SYT17: variants seen among roughly 807,000 people sequenced by gnomAD.
The protein encoded by SYT17 is synaptotagmin-17.
In SYT17, 22 loss-of-function variants were observed where a neutral mutation model predicts 46.7. The observed-to-expected ratio is 0.47, with a 90% CI of 0.34 to 0.67. The LOEUF (loss-of-function observed/expected upper bound fraction) is 0.67. Among genes scored for constraint, SYT17 ranks in the 30% least tolerant of loss-of-function variants. SYT17 has a pLI of 0.01. For synonymous variants in SYT17, 251 were observed against 248.4 expected (o/e 1.01, Z -0.10); for missense variants, 519 against 612.8 (o/e 0.85, Z 1.62).
At chr16:19,172,088 C>T (rs1326171693) in intron 1 of SYT17, 1 of 159,924 alleles carries the variant, frequency 6.3e-6, no homozygotes, top group Non-Finnish European at 1.4e-5. Context: ...GCCTACTTGG[C>T]CCATTTGGAA....
In SYT17 at chr16:19,183,333, C is replaced by T. The variant is rs980548938; in HGVS notation, c.332-195C>T. Among the ~76,000 whole-genome samples the T allele has an allele frequency of 6.6e-6, 1 of 152,210 alleles. No individual in the cohort carries two copies. Among genetic ancestry groups the T allele is most frequent in the African/African-American group, 2.4e-5 (1 of 41,460 alleles). On this transcript the variant is annotated intron_variant, in intron 4 of 7. Transcript: ENST00000355377. The surrounding 1 kb of genome is among the most constrained non-coding windows in gnomAD (Gnocchi z 5.6). ...TAGAGCAGTGCCTGGCACTTAGCTG[C>T]TGTGATGATGGCAAGGTGTCAATAG...
At chr16:19,174,215 A>C (rs1299723443) in intron 3 of SYT17, among the ~76,000 whole-genome samples, 3 of 152,160 alleles carry the variant, frequency 2.0e-5, no homozygotes. Flanking sequence ...GCCTGCATAC[A>C]ACATCTCCAT....
At chr16:19,187,214 T>TA (rs1964823699) in intron 5 of SYT17, among the ~76,000 whole-genome samples, 1 of 152,080 alleles carries the variant, frequency 6.6e-6, no homozygotes, top group South Asian at 2.1e-4. Context: ...TTTAAAAAAA[T>TA]ACATTTTGCA....
intron 4 of SYT17, among the ~76,000 whole-genome samples, chr16:19,181,954 G>A (rs577609977): frequency 7.0e-6 from 1 of 142,208 alleles, no homozygotes; most frequent in East Asian, 2.1e-4. Context: ...AGCCGAGATT[G>A]CACCACTACA....
chr16:19,198,417 C>T (rs1466035825), intron 5 of SYT17, among the ~76,000 whole-genome samples: 3 of 152,288 alleles, frequency 2.0e-5, no homozygotes, highest in Admixed American at 2.0e-4. Context: ...CCAGCCCAAC[C>T]ACTTCCAGCA....
intron 7 of SYT17, among the ~76,000 whole-genome samples, chr16:19,230,330 C>G (rs981727885): frequency 3.3e-5 from 5 of 151,618 alleles, no homozygotes; most frequent in African/African-American, 1.2e-4. Context: ...TCACTTGAAC[C>G]TGGGAGGCAG....
At chr16:19,172,278 T>G in intron 1 of SYT17, 1 of 1,200,632 alleles carries the variant, frequency 8.3e-7, no homozygotes. Flanking sequence ...ACCATCACCA[T>G]TGGAGCAGAA....
intron 2 of SYT17, chr16:19,173,210 C>T (rs772381149): frequency 3.0e-5 from 17 of 561,300 alleles, no homozygotes; most frequent in Admixed American, 1.7e-4. Context: ...ACGGCTCCAG[C>T]GAGTTGATGT....
chr16:19,211,145 C>T (rs1965884062), intron 5 of SYT17: 2 of 374,188 alleles, frequency 5.3e-6, no homozygotes, highest in Non-Finnish European at 9.6e-6. Flanking sequence ...GTGGTTCGAC[C>T]AAATTAAGCG....
intron 5 of SYT17, among the ~76,000 whole-genome samples, chr16:19,190,757 G>T (rs1964980045): frequency 6.8e-6 from 1 of 146,762 alleles, no homozygotes; most frequent in Non-Finnish European, 1.5e-5. Flanking sequence ...AGGCTGAACT[G>T]AATAATATTC....
intron 5 of SYT17, among the ~76,000 whole-genome samples, chr16:19,205,479 A>C (rs1965633701): frequency 1.3e-5 from 2 of 148,694 alleles, no homozygotes; most frequent in African/African-American, 2.5e-5. Flanking sequence ...TCACTCTGTC[A>C]CCCAGGCTGG....
chr16:19,254,550 A>G (rs770500299), intron 7 of SYT17, among the ~76,000 whole-genome samples: 1 of 152,216 alleles, frequency 6.6e-6, no homozygotes, highest in Admixed American at 6.5e-5. Flanking sequence ...CATTCTAATG[A>G]TATCACCACA....
At chr16:19,212,146 A>G (rs952038308) in intron 5 of SYT17, among the ~76,000 whole-genome samples, 1 of 152,152 alleles carries the variant, frequency 6.6e-6, no homozygotes, top group African/African-American at 2.4e-5. Flanking sequence ...GAGAGGGGTG[A>G]TGCCGCTGGC....
At chr16:19,229,301 A>G (rs1966600186) in intron 7 of SYT17, among the ~76,000 whole-genome samples, 1 of 152,188 alleles carries the variant, frequency 6.6e-6, no homozygotes, top group Non-Finnish European at 1.5e-5. Context: ...GCTGTACAGG[A>G]AGCATGAGGC....
rs375910406 is a variant in SYT17 at position 19,268,213 on chromosome 16, CTTT to C, written c.*1138_*1140del. The C allele has an allele frequency of 0.5, 76,147 of 151,434 alleles. 20,273 individuals are homozygous for C. Among genetic ancestry groups the C allele is most frequent in the East Asian group, 0.96 (4,928 of 5,118 alleles). 9.4% of individuals were successfully genotyped at this position (151,434 alleles called of 1,614,324 possible). A position where few individuals can be genotyped will look rare whatever the true frequency, so the allele number is the denominator to read the frequency against. On this transcript the variant is annotated 3_prime_UTR_variant, in exon 8 of 8. Transcript: ENST00000355377. ...TTAGAATAGATCTCTCTCTCTCTCT[CTTT>C]CTCTCTCTCTCTTTCCTCTCTCTCT...
chr16:19,231,343 G>A (rs1966674610), intron 7 of SYT17, among the ~76,000 whole-genome samples: 1 of 151,916 alleles, frequency 6.6e-6, no homozygotes, highest in Non-Finnish European at 1.5e-5. Flanking sequence ...GGCCAAGGCG[G>A]GTGGATCACC....
Position 19,174,254 on chromosome 16 carries a change from G to A in SYT17, c.182+676G>A, listed in dbSNP as rs1049448068. Among the ~76,000 whole-genome samples, 14 of 152,326 alleles carry A rather than the reference G, an allele frequency of 9.2e-5. No homozygotes were observed. In the South Asian group the frequency reaches 1.2e-3, roughly 14 times the overall value. On this transcript the variant is annotated intron_variant, in intron 3 of 7. Coordinates refer to ENST00000355377, the MANE Select transcript of SYT17 (RefSeq NM_016524.4). ...CCAGTCGCTCAGATATTTTGGGAAC[G>A]CAGTTTTGAAGCTTCTCAGCCACGT...
At chr16:19,184,905 C>T (rs1177744790) in intron 5 of SYT17, among the ~76,000 whole-genome samples, 1 of 152,176 alleles carries the variant, frequency 6.6e-6, no homozygotes, top group African/African-American at 2.4e-5. Flanking sequence ...TTCCTTCCCC[C>T]TGTCCAGCCC....
rs954283177 is a variant in SYT17, at chr16:19,168,511, C to G, written c.-136C>G. On this transcript the variant is annotated 5_prime_UTR_variant, in exon 1 of 8. Coordinates refer to ENST00000355377, the MANE Select transcript of SYT17 (RefSeq NM_016524.4). The surrounding 1 kb of genome is among the most constrained non-coding windows in gnomAD (Gnocchi z 6.9). Reference sequence around the variant, plus strand: ...AGGGGCGGGCGCCGCTCATCAGCCACGCCAGTCACGTCTGGGGCCACCGGC... The same window carrying G: ...AGGGGCGGGCGCCGCTCATCAGCCAGGCCAGTCACGTCTGGGGCCACCGGC... The G allele has an allele frequency of 7.3e-5, 93 of 1,265,420 alleles. No homozygotes were observed. The highest frequency in any genetic ancestry group is 9.5e-5 in the Non-Finnish European group (87 of 915,564). 78.4% of individuals were successfully genotyped at this position (1,265,420 alleles called of 1,614,324 possible). A position where few individuals can be genotyped will look rare whatever the true frequency, so the allele number is the denominator to read the frequency against.
Sources: allele counts gnomAD v4.1 joint callset (sites outside exome capture counted in the v4.1 genomes callset), GRCh38; gene constraint gnomAD v4.1.1; non-coding constraint Gnocchi (gnomAD v3.1); transcripts MANE v1.5; gene names NCBI Gene and HGNC (gene_info 2026-07-23, HGNC 2026-07-21).